Variants in ADAMTS16 observed in about 807,000 individuals in gnomAD.
ADAMTS16 encodes the protein ADAM metallopeptidase with thrombospondin type 1 motif 16.
ADAMTS16 carries 94 observed loss-of-function variants against 145.8 expected under a neutral mutation model. That is an observed-to-expected ratio of 0.64 (90% CI 0.55 to 0.77). ADAMTS16 has a LOEUF of 0.77. Among genes scored for constraint, ADAMTS16 ranks in the 30% least tolerant of loss-of-function variants. The pLI, the probability that ADAMTS16 is intolerant of heterozygous loss-of-function variation, is 0.00. For synonymous variants in ADAMTS16, 659 were observed against 604.3 expected (o/e 1.09, Z -1.33); for missense variants, 1,585 against 1,591.5 (o/e 1.00, Z 0.07).
At chr5:5,229,601 C>A (rs1157602212) in intron 11 of ADAMTS16, among the ~76,000 whole-genome samples, 1 of 152,160 alleles carries the variant, frequency 6.6e-6, no homozygotes, top group African/African-American at 2.4e-5. Context: ...GCCTCGGATA[C>A]CTTGCTGAGT....
rs1368639867 is a variant in ADAMTS16 at position 5,262,577 on chromosome 5, G to T, written c.2663-80G>T. 4 of 1,531,372 alleles carry T rather than the reference G, an allele frequency of 2.6e-6. 1 individual carries two copies. In the South Asian group the frequency reaches 5.2e-5, roughly 20 times the overall value. The allele number at this position is 1,531,372 out of a possible 1,614,324, so 94.9% of individuals were successfully genotyped here. A position where few individuals can be genotyped will look rare whatever the true frequency, so the allele number is the denominator to read the frequency against. On this transcript the variant is annotated intron_variant, in intron 17 of 22. Transcript: ENST00000274181. ...AGTATGGCTAAGATTCTTTGAAAGA[G>T]ATTTTATTAGCTCATCATCTGCCTT...
Position 5,140,408 on chromosome 5 carries a change from G to C in ADAMTS16, c.-60G>C. ...TGCCTGGGTCGGGTCCTCCCTGCCC[G>C]CTCGCACGCTGCCGGCCGGGGACCC... On this transcript the variant is annotated 5_prime_UTR_variant, in exon 1 of 23. Transcript: ENST00000274181. The C allele has an allele frequency of 1.4e-6, 2 of 1,470,710 alleles. No homozygotes were observed. The highest frequency in any genetic ancestry group is 1.3e-5 in the South Asian group (1 of 78,220). The allele number at this position is 1,470,710 out of a possible 1,614,324, so 91.1% of individuals were successfully genotyped here.
chr5:5,195,725 T>A (rs922127764), intron 8 of ADAMTS16, among the ~76,000 whole-genome samples: 2 of 152,228 alleles, frequency 1.3e-5, no homozygotes, highest in African/African-American at 4.8e-5. Flanking sequence ...GTCTCTTGCA[T>A]TTCCCCAAGT....
intron 21 of ADAMTS16, among the ~76,000 whole-genome samples, chr5:5,306,945 G>A (rs1740192625): frequency 6.6e-6 from 1 of 152,156 alleles, no homozygotes. Context: ...ATCTTTTAGG[G>A]CACATATGTT....
At chr5:5,286,629 T>C (rs999051198) in intron 18 of ADAMTS16, among the ~76,000 whole-genome samples, 4 of 151,910 alleles carry the variant, frequency 2.6e-5, no homozygotes, top group African/African-American at 9.7e-5. Context: ...GAGGCTGAGG[T>C]GGGCAGATCA....
At chr5:5,293,636 G>A (rs1336317992) in intron 18 of ADAMTS16, among the ~76,000 whole-genome samples, 1 of 152,160 alleles carries the variant, frequency 6.6e-6, no homozygotes, top group African/African-American at 2.4e-5. Context: ...CCTTGTCCAT[G>A]CCTTTCCAGT....
chr5:5,304,394 G>A (rs1344179142), intron 20 of ADAMTS16, among the ~76,000 whole-genome samples: 4 of 151,790 alleles, frequency 2.6e-5, no homozygotes, highest in Non-Finnish European at 5.9e-5. Flanking sequence ...ACCAGCTTTG[G>A]ACCAAGTGGT....
At position 5,258,196 on chromosome 5, in the gene ADAMTS16, G is replaced by A. The variant is rs550318359; in HGVS notation, c.2663-4461G>A. ...CCGTTAGTGATTAGCCAAGTCTCAA[G>A]CCTCTCTCCCCTCTCTGGATGTTGG... On this transcript the variant is annotated intron_variant, in intron 17 of 22. Coordinates refer to ENST00000274181, the MANE Select transcript of ADAMTS16 (RefSeq NM_139056.4). Among the ~76,000 whole-genome samples the A allele has an allele frequency of 8.5e-5, 13 of 152,294 alleles. No homozygotes were observed. In the East Asian group the frequency reaches 2.1e-3, roughly 25 times the overall value.
chr5:5,293,821 C>T (rs983822405), intron 18 of ADAMTS16, among the ~76,000 whole-genome samples: 4 of 152,182 alleles, frequency 2.6e-5, no homozygotes, highest in Admixed American at 6.5e-5. Flanking sequence ...TAGGTCTGGA[C>T]GTAAAGGAAG....
At chr5:5,158,580 C>T (rs530569812) in intron 3 of ADAMTS16, among the ~76,000 whole-genome samples, 1 of 152,264 alleles carries the variant, frequency 6.6e-6, no homozygotes, top group African/African-American at 2.4e-5. Context: ...GCAAATGGGG[C>T]AAGTGCTGTT....
At chr5:5,226,275 C>G (rs548742188) in intron 11 of ADAMTS16, among the ~76,000 whole-genome samples, 1 of 152,098 alleles carries the variant, frequency 6.6e-6, no homozygotes, top group Non-Finnish European at 1.5e-5. Context: ...ACTGGGGAGG[C>G]CTCGCAATCA....
At chr5:5,316,521 TA>T (rs570154922) in intron 21 of ADAMTS16, among the ~76,000 whole-genome samples, 89 of 152,352 alleles carry the variant, frequency 5.8e-4, no homozygotes, top group African/African-American at 2.0e-3. Context: ...TTTAGCTGCC[TA>T]ACCACTGATT....
At chr5:5,212,103 C>T (rs549267277) in intron 10 of ADAMTS16, among the ~76,000 whole-genome samples, 63 of 152,094 alleles carry the variant, frequency 4.1e-4, no homozygotes, top group African/African-American at 1.4e-3. Context: ...CTACTTGTTC[C>T]ACCAGTTTTA....
intron 17 of ADAMTS16, among the ~76,000 whole-genome samples, chr5:5,246,960 A>C (rs1167143547): frequency 6.6e-6 from 1 of 152,224 alleles, no homozygotes; most frequent in Non-Finnish European, 1.5e-5. Context: ...AGAGATCTCC[A>C]GGCCTGTGGG....
chr5:5,184,916 G>A (rs1481866068), intron 4 of ADAMTS16, among the ~76,000 whole-genome samples: 2 of 152,092 alleles, frequency 1.3e-5, no homozygotes, highest in Non-Finnish European at 2.9e-5. Flanking sequence ...AAGAGTTCTA[G>A]GACCACACTG....
rs543280916 is a variant in ADAMTS16 at position 5,187,168 on chromosome 5, C to T, written c.964-557C>T. 5.3e-5 allele frequency among the ~76,000 whole-genome samples: 8 copies of T among 152,324 alleles called. No individual in the cohort carries two copies. In the East Asian group the frequency reaches 5.8e-4, roughly 11 times the overall value. On this transcript the variant is annotated intron_variant, in intron 5 of 22. Transcript: ENST00000274181. ...TAGAGCTTTTCCAATATTTCCGCAG[C>T]GCAGTGGCAAATCACTTCAGGTTAC...
chr5:5,303,155 A>C, intron 18 of ADAMTS16, 113 bp from the exon 19 acceptor site: 1 of 1,166,938 alleles, frequency 8.6e-7, no homozygotes, highest in African/African-American at 1.6e-5. Flanking sequence ...AAATAACGGC[A>C]CACACACGAC....
At chr5:5,238,435 T>G (rs1241580283) in intron 14 of ADAMTS16, among the ~76,000 whole-genome samples, 1 of 152,202 alleles carries the variant, frequency 6.6e-6, no homozygotes, top group Non-Finnish European at 1.5e-5. Flanking sequence ...TCATATGCAT[T>G]TCATACGTCA....
chr5:5,187,679 G>A (rs1233019457), intron 5 of ADAMTS16, 46 bp from the exon 6 acceptor site: 5 of 1,376,582 alleles, frequency 3.6e-6, no homozygotes, highest in African/African-American at 2.8e-5. Context: ...AAGTAGGGGG[G>A]AAAATGCCAT....
Sources: allele counts gnomAD v4.1 joint callset (sites outside exome capture counted in the v4.1 genomes callset), GRCh38; gene constraint gnomAD v4.1.1; transcripts MANE v1.5; gene names NCBI Gene and HGNC (gene_info 2026-07-23, HGNC 2026-07-21).